The following EFHB variants were observed in gnomAD, a reference collection of about 807,000 sequenced individuals.
EFHB encodes the protein EF-hand domain family member B.
EFHB carries 91 observed loss-of-function variants against 87.2 expected under a neutral mutation model. The ratio of observed to expected loss-of-function variants is 1.04; its 90% confidence interval spans 0.88 to 1.24. The LOEUF is 1.24. EFHB is among the 50% of genes most tolerant of loss of function. The probability of loss-of-function intolerance (pLI) is 0.00; values close to 1 mark genes in which losing one functional copy is unlikely to be tolerated. For synonymous variants in EFHB, 325 were observed against 333.6 expected, an observed-to-expected ratio of 0.97 and a Z score of 0.28; for missense variants, 1,084 against 998.8, an observed-to-expected ratio of 1.09 and a Z score of -1.15.
At chr3:19,901,310 G>C (rs1245246924) in intron 6 of EFHB, among the ~76,000 whole-genome samples, 2 of 152,110 alleles carry the variant, frequency 1.3e-5, no homozygotes, top group Non-Finnish European at 2.9e-5. Flanking sequence ...GTGATTAAAT[G>C]AATAAAATTT....
chr3:19,905,802 C>T, intron 5 of EFHB, 53 bp from the exon 6 acceptor site: 1 of 1,545,988 alleles, frequency 6.5e-7, no homozygotes, highest in Non-Finnish European at 8.8e-7. Flanking sequence ...ATAACCTTAT[C>T]ATGCAAGATG....
intron 9 of EFHB, among the ~76,000 whole-genome samples, chr3:19,892,283 T>C (rs1441224497): frequency 6.6e-6 from 1 of 152,194 alleles, no homozygotes; most frequent in East Asian, 1.9e-4. Context: ...TCATATGGTA[T>C]TATTGTGCAT....
intron 5 of EFHB, among the ~76,000 whole-genome samples, chr3:19,909,560 T>A (rs1559460628): frequency 6.6e-6 from 1 of 151,548 alleles, no homozygotes. Flanking sequence ...GGGGGTGGGG[T>A]AGGTGGTGGG....
rs879564988 is a variant in EFHB at position 19,946,079 on chromosome 3, A to T, written c.-32+840T>A. Reference sequence around the variant, plus strand: ...GTGTGGGATTCAACTAAAGCAGCACATCTTCAGTAGGTCCCCCGTGGAGGG... The same window carrying T: ...GTGTGGGATTCAACTAAAGCAGCACTTCTTCAGTAGGTCCCCCGTGGAGGG... On this transcript the variant is annotated intron_variant, in intron 1 of 14. Coordinates refer to the EFHB transcript ENST00000344838. 10 of 152,346 alleles carry T rather than the reference A, an allele frequency of 6.6e-5. No homozygotes were observed. The East Asian group carries it at 1.9e-3, about 29-fold the overall frequency. The allele number at this position is 152,346 out of a possible 1,614,324, so 9.4% of individuals were successfully genotyped here.
chr3:19,887,388 A>G (rs1240708251), intron 10 of EFHB, among the ~76,000 whole-genome samples: 5 of 151,610 alleles, frequency 3.3e-5, no homozygotes, highest in Non-Finnish European at 7.4e-5. Flanking sequence ...CTATCAAAAA[A>G]AAAAAAAAAA....
chr3:19,933,436 C>A lies in EFHB; in HGVS notation c.583G>T (p.Gly195Ter). The part of the protein sequence containing the change: ...EIKLPVEVDI[G>*]LTQAEGPDET... ...TCTGGCCCCTCGGCTTGGGTTAGTC[C>A]AATGTCCACCTCCACAGGAAGCTTA... Residue 195 changes from glycine to a stop codon, truncating the protein, a stop_gained, in exon 1 of 13, where the codon GGA becomes TGA. Coordinates refer to ENST00000295824, the MANE Select transcript of EFHB (RefSeq NM_144715.4). LOFTEE classifies it high-confidence loss of function. 1 of 1,614,008 alleles carries A rather than the reference C, an allele frequency of 6.2e-7. No homozygotes were observed.
intron 5 of EFHB, among the ~76,000 whole-genome samples, chr3:19,913,790 T>C (rs1055034802): frequency 3.5e-4 from 53 of 152,112 alleles, no homozygotes; most frequent in Non-Finnish European, 8.8e-5. Context: ...AATTATACTA[T>C]AGAGCTATAG....
At chr3:19,932,741 A>G (rs900438586) in intron 1 of EFHB, among the ~76,000 whole-genome samples, 3 of 152,182 alleles carry the variant, frequency 2.0e-5, no homozygotes, top group Non-Finnish European at 4.4e-5. Flanking sequence ...TGTCTCCATT[A>G]CTGGAGTGAG....
At chr3:19,911,600 GAATC>G (rs1363699024) in intron 5 of EFHB, among the ~76,000 whole-genome samples, 1 of 151,538 alleles carries the variant, frequency 6.6e-6, no homozygotes, top group African/African-American at 2.4e-5. Context: ...AAAACAAAAA[GAATC>G]AAGCAGAAAT....
chr3:19,936,366 C>T (rs1170038006), upstream of EFHB: 3 of 525,274 alleles, frequency 5.7e-6, no homozygotes, highest in East Asian at 3.1e-5. Context: ...GAGTTCAAGA[C>T]ATGCATGGGT....
Position 19,905,897 on chromosome 3 carries a change from A to G in EFHB, c.1289-148T>C, listed in dbSNP as rs192668366. 13 of 955,422 alleles carry G rather than the reference A, an allele frequency of 1.4e-5. No homozygotes were observed. In the Admixed American group the frequency reaches 3.7e-4, roughly 27 times the overall value. 59.2% of individuals were successfully genotyped at this position (955,422 alleles called of 1,614,324 possible). The stretch of plus-strand genomic sequence containing the variant: ...GTGCAGAAACTGCACAGATTTAGCT[A>G]CAGATGACAGAAGCATTCCCCCATG... On this transcript the variant is annotated intron_variant, in intron 5 of 12. Coordinates refer to ENST00000295824, the MANE Select transcript of EFHB (RefSeq NM_144715.4).
Position 19,919,929 on chromosome 3 carries a change from T to G in EFHB, c.900A>C (p.Pro300=), listed in dbSNP as rs1695379280. Residue 300 remains proline (P), a synonymous_variant, in exon 3 of 13, where the codon CCA becomes CCC. Coordinates refer to ENST00000295824, the MANE Select transcript of EFHB (RefSeq NM_144715.4). ...AAAATACTCTTTCTACTCCAGCAGG[T>G]GGATATCTGAAGTTGAAATACTTTT... The part of the protein sequence containing the change: ...EAKKYFNFRY[P]PAGVERVFYG... 1 of 1,613,738 alleles carries G rather than the reference T, an allele frequency of 6.2e-7. No individual in the cohort carries two copies. Among genetic ancestry groups the G allele is most frequent in the Non-Finnish European group, 8.5e-7 (1 of 1,179,772 alleles).
At chr3:19,910,436 A>G (rs1193384342) in intron 5 of EFHB, among the ~76,000 whole-genome samples, 1 of 152,142 alleles carries the variant, frequency 6.6e-6, no homozygotes, top group Non-Finnish European at 1.5e-5. Context: ...GCTGCAATAC[A>G]GTAGAATACC....
intron 1 of EFHB, among the ~76,000 whole-genome samples, chr3:19,929,843 A>G (rs1695769700): frequency 1.3e-5 from 2 of 152,320 alleles, no homozygotes; most frequent in Admixed American, 1.3e-4. Flanking sequence ...ACTCGATAAT[A>G]ACAACTACAT....
chr3:19,934,914 A>AT (rs11353478), upstream of EFHB, among the ~76,000 whole-genome samples: 152 of 148,698 alleles, frequency 1.0e-3, no homozygotes, highest in East Asian at 5.8e-3. Flanking sequence ...ATTTAAAGTA[A>AT]TTTTTTTTTT....
chr3:19,906,440 CA>C (rs890143085), intron 5 of EFHB, among the ~76,000 whole-genome samples: 3 of 151,924 alleles, frequency 2.0e-5, no homozygotes, highest in African/African-American at 7.2e-5. Flanking sequence ...AAAAAGAAAT[CA>C]AGAAAATAAT....
At chr3:19,915,153 C>T (rs954329676) in intron 5 of EFHB, 150 bp downstream of exon 5, 1 of 540,942 alleles carries the variant, frequency 1.8e-6, no homozygotes, top group African/African-American at 2.0e-5. Context: ...GTTTTCCCAG[C>T]TATCATGGTT....
At chr3:19,908,585 A>AGG (rs1694929041) in intron 5 of EFHB, among the ~76,000 whole-genome samples, 1 of 123,074 alleles carries the variant, frequency 8.1e-6, no homozygotes, top group African/African-American at 3.7e-5. Flanking sequence ...AGAGAGAGAG[A>AGG]GAGAGAGAGA....
intron 1 of EFHB, among the ~76,000 whole-genome samples, chr3:19,922,019 G>A (rs765688075): frequency 1.3e-5 from 2 of 152,064 alleles, no homozygotes; most frequent in Non-Finnish European, 2.9e-5. Context: ...ACAAAAATTA[G>A]GCAGGCATGG....
Sources: allele counts gnomAD v4.1 joint callset (sites outside exome capture counted in the v4.1 genomes callset), GRCh38; gene constraint gnomAD v4.1.1; transcripts MANE v1.5; gene names NCBI Gene and HGNC (gene_info 2026-07-23, HGNC 2026-07-21).